Variants in VWA1 observed in about 807,000 individuals in gnomAD.
VWA1 encodes the protein von Willebrand factor A domain containing 1.
A neutral mutation model predicts 14.9 loss-of-function variants in VWA1; 12 were observed. That is an observed-to-expected ratio of 0.80 (90% confidence interval 0.52 to 1.30). The LOEUF (loss-of-function observed/expected upper bound fraction) is 1.30, where lower values mean the gene tolerates loss of function less well. VWA1 is among the 50% of genes most tolerant of loss of function. The pLI is 0.00. For missense variants in VWA1, 800 were observed against 649.1 expected, an observed-to-expected ratio of 1.23 and a Z score of -2.53; for synonymous variants, 368 against 310.7, an observed-to-expected ratio of 1.18 and a Z score of -1.94.
At position 1,439,273 on chromosome 1, in the gene VWA1, C is replaced by G. The variant is rs752848633; in HGVS notation, c.824C>G (p.Pro275Arg). Residue 275 changes from proline (P) to arginine (R), a missense_variant, in exon 3 of 3, where the codon CCG (proline) becomes CGG (arginine). Coordinates refer to ENST00000476993, the MANE Select transcript of VWA1 (RefSeq NM_022834.5). Reference sequence around the variant, plus strand: ...GACTGGATCTGGGCCGGCCTCGACCCGGACACGGACTACGACGTGGCGCTA... The same window carrying G: ...GACTGGATCTGGGCCGGCCTCGACCGGGACACGGACTACGACGTGGCGCTA... ...ATDWIWAGLD[P>R]DTDYDVALVP... 5.6e-6 allele frequency: 9 copies of G among 1,605,308 alleles called. No individual in the cohort carries two copies. Among genetic ancestry groups the G allele is most frequent in the Non-Finnish European group, 7.6e-6 (9 of 1,178,140 alleles).
Position 1,441,825 on chromosome 1 carries a change from C to T in VWA1, c.*2038C>T, listed in dbSNP as rs1344080550. The T allele has an allele frequency of 6.6e-6, 1 of 152,264 alleles. No individual in the cohort carries two copies. The highest frequency in any genetic ancestry group is 1.5e-5 in the Non-Finnish European group (1 of 68,070). 9.4% of individuals were successfully genotyped at this position (152,264 alleles called of 1,614,324 possible). ...CAGTGGCTTCTGTGGACGACTCAGACTCACATGAGAAGCTGGGAGGAGCTC... is the reference window on the plus strand; with the variant it reads ...CAGTGGCTTCTGTGGACGACTCAGATTCACATGAGAAGCTGGGAGGAGCTC... On this transcript the variant is annotated 3_prime_UTR_variant, in exon 3 of 3. Coordinates refer to ENST00000476993, the MANE Select transcript of VWA1 (RefSeq NM_022834.5).
chr1:1,439,217 A>G lies in VWA1; in HGVS notation c.768A>G (p.Ala256=). 6.2e-7 allele frequency: 1 copy of G among 1,607,220 alleles called. No individual in the cohort carries two copies. The highest frequency in any genetic ancestry group is 1.1e-5 in the South Asian group (1 of 90,922). Residue 256 remains alanine (A), a synonymous_variant, in exon 3 of 3, where the codon GCA becomes GCG. Transcript: ENST00000476993. ...TGCCCAGCGCCCAGCCGGGGGCTGCAAGACGCCAGCAGCTGCCAGGGAACG... is the reference window on the plus strand; with the variant it reads ...TGCCCAGCGCCCAGCCGGGGGCTGCGAGACGCCAGCAGCTGCCAGGGAACG... ...ELVPSAQPGA[A]RRQQLPGNAT...
At chr1:1,436,289 C>T (rs949391342) in intron 1 of VWA1, among the ~76,000 whole-genome samples, 1 of 152,088 alleles carries the variant, frequency 6.6e-6, no homozygotes, top group Non-Finnish European at 1.5e-5. Flanking sequence ...CCGGAGGTGC[C>T]CGGAGGAAGG....
chr1:1,436,070 G>C (rs1049152052), intron 1 of VWA1, among the ~76,000 whole-genome samples: 1 of 152,162 alleles, frequency 6.6e-6, no homozygotes, highest in African/African-American at 2.4e-5. Flanking sequence ...CGGGATCGCG[G>C]GCCTGGACAG....
rs756120330 is a variant in VWA1, at chr1:1,439,331, C to T, written c.882C>T (p.Pro294=). 6.3e-7 allele frequency: 1 copy of T among 1,578,786 alleles called. No homozygotes were observed. The highest frequency in any genetic ancestry group is 2.3e-5 in the East Asian group (1 of 43,540). Residue 294 remains proline (P), a synonymous_variant, in exon 3 of 3, where the codon CCC becomes CCT. Coordinates refer to ENST00000476993, the MANE Select transcript of VWA1 (RefSeq NM_022834.5). ...AGTCCAACGTGCGCCTCCTGAGGCC[C>T]CAGATCCTGCGGGTGCGCACGCGGC... The part of the protein sequence containing the change: ...VPESNVRLLR[P]QILRVRTRPG...
intron 1 of VWA1, among the ~76,000 whole-genome samples, chr1:1,436,034 A>G (rs1163936884): frequency 6.6e-6 from 1 of 151,928 alleles, no homozygotes; most frequent in African/African-American, 2.4e-5. Flanking sequence ...GCCGGGGCAT[A>G]GGGGCCGTCC....
In VWA1 at chr1:1,437,183, C is replaced by T; in HGVS notation, c.330C>T (p.Asp110=). Residue 110 remains aspartate, a synonymous_variant, in exon 2 of 3, where the codon GAC becomes GAT. Transcript: ENST00000476993. ...AVRASAQRMG[D]THTGLALVYA... Reference sequence around the variant, plus strand: ...GTGCTTCTGCCCAGCGCATGGGTGACACCCACACTGGCCTGGCGCTGGTCT... The same window carrying T: ...GTGCTTCTGCCCAGCGCATGGGTGATACCCACACTGGCCTGGCGCTGGTCT... 1 of 1,611,778 alleles carries T rather than the reference C, an allele frequency of 6.2e-7. No homozygotes were observed. Among genetic ancestry groups the T allele is most frequent in the Non-Finnish European group, 8.5e-7 (1 of 1,179,564 alleles).
Position 1,437,346 on chromosome 1 carries a change from G to T in VWA1, c.493G>T (p.Val165Leu). Reference protein sequence around the residue: ...MQELKDLGVTVFIVSTGRGNF... With the variant: ...MQELKDLGVTLFIVSTGRGNF... ...GGAGCTCAAGGACCTGGGCGTCACCGTGTTCATTGTCAGCACCGGCCGAGG... is the reference window on the plus strand; with the variant it reads ...GGAGCTCAAGGACCTGGGCGTCACCTTGTTCATTGTCAGCACCGGCCGAGG... The change falls in exon 2 of 3, where the codon GTG (valine) becomes TTG (leucine). Residue 165 changes from valine to leucine, a missense_variant. Coordinates refer to ENST00000476993, the MANE Select transcript of VWA1 (RefSeq NM_022834.5). 6.2e-7 allele frequency: 1 copy of T among 1,612,608 alleles called. No homozygotes were observed. The highest frequency in any genetic ancestry group is 8.5e-7 in the Non-Finnish European group (1 of 1,179,926).
rs373689564 is a variant in VWA1 at position 1,437,394 on chromosome 1, G to A, written c.541G>A (p.Ala181Thr). ...GRGNFLELSA[A>T]ASAPAEKHLH... ...AGGCAACTTCCTGGAGCTGTCAGCC[G>A]CTGCCTCAGCCCCTGCCGAGAAGCA... The change falls in exon 2 of 3, where the codon GCT becomes ACT. Residue 181 changes from alanine to threonine, a missense_variant. By Grantham distance (58) the Ala-to-Thr change is moderately conservative. Coordinates refer to ENST00000476993, the MANE Select transcript of VWA1 (RefSeq NM_022834.5). 12 of 1,612,626 alleles carry A rather than the reference G, an allele frequency of 7.4e-6. No homozygotes were observed. The highest frequency in any genetic ancestry group is 4.5e-5 in the East Asian group (2 of 44,904).
At position 1,439,670 on chromosome 1, in the gene VWA1, C is replaced by T; in HGVS notation, c.1221C>T (p.Phe407=). ...TAYLVTVTAA[F]RSGRESALSA... ...ACCTGGTGACCGTGACCGCCGCCTT[C>T]CGCTCGGGCCGCGAGAGCGCGCTGT... Residue 407 remains phenylalanine, a synonymous_variant, in exon 3 of 3, where the codon TTC becomes TTT. Transcript: ENST00000476993. 7.6e-7 allele frequency: 1 copy of T among 1,308,204 alleles called. No individual in the cohort carries two copies. The highest frequency in any genetic ancestry group is 9.8e-7 in the Non-Finnish European group (1 of 1,019,892). The allele number at this position is 1,308,204 out of a possible 1,614,324, so 81.0% of individuals were successfully genotyped here.
intron 1 of VWA1, 25 bp from the exon 2 acceptor site, chr1:1,436,902 G>T (rs1195369060): frequency 6.5e-7 from 1 of 1,550,130 alleles, no homozygotes; most frequent in Non-Finnish European, 8.7e-7. Context: ...CACACCTGAG[G>T]CTGAGCATTC....
Position 1,439,691 on chromosome 1 carries a change from G to A in VWA1, c.1242G>A (p.Ala414=), listed in dbSNP as rs761882324. 2 of 1,275,104 alleles carry A rather than the reference G, an allele frequency of 1.6e-6. No individual in the cohort carries two copies. Among genetic ancestry groups the A allele is most frequent in the Non-Finnish European group, 1.0e-6 (1 of 1,001,072 alleles). The allele number at this position is 1,275,104 out of a possible 1,614,324, so 79.0% of individuals were successfully genotyped here. Residue 414 remains alanine, a synonymous_variant, in exon 3 of 3, where the codon GCG becomes GCA. Transcript: ENST00000476993. ...CCTTCCGCTCGGGCCGCGAGAGCGC[G>A]CTGTCCGCCAAGGCCTGCACGCCCG... is the stretch of plus-strand genomic sequence containing the variant. ...TAAFRSGRES[A]LSAKACTPDG...
intron 2 of VWA1, among the ~76,000 whole-genome samples, chr1:1,438,487 A>G (rs566105009): frequency 6.6e-6 from 1 of 152,268 alleles, no homozygotes; most frequent in Non-Finnish European, 1.5e-5. Flanking sequence ...GCTTTAACCC[A>G]GCGCAGACAT....
Position 1,439,576 on chromosome 1 carries a change from C to T in VWA1, c.1127C>T (p.Ala376Val), listed in dbSNP as rs1452678710. ...TTCGGGCCGCTGCGGGGCGGGGAGGCGCAGCGGGTGGAGGTGCCCGCGGGC... is the reference window on the plus strand; with the variant it reads ...TTCGGGCCGCTGCGGGGCGGGGAGGTGCAGCGGGTGGAGGTGCCCGCGGGC... The part of the protein sequence containing the change: ...VQFGPLRGGE[A>V]QRVEVPAGRN... Residue 376 changes from alanine to valine, a missense_variant, in exon 3 of 3, where the codon GCG becomes GTG. By Grantham distance (64) the Ala-to-Val change is moderately conservative (BLOSUM62 0). Coordinates refer to ENST00000476993, the MANE Select transcript of VWA1 (RefSeq NM_022834.5). 1.3e-5 allele frequency: 17 copies of T among 1,303,716 alleles called. No individual in the cohort carries two copies. The highest frequency in any genetic ancestry group is 8.6e-5 in the Admixed American group (2 of 23,274). The allele number at this position is 1,303,716 out of a possible 1,614,324, so 80.8% of individuals were successfully genotyped here. A position where few individuals can be genotyped will look rare whatever the true frequency, so the allele number is the denominator to read the frequency against.
In VWA1 at chr1:1,439,323, C is replaced by A. The variant is rs764295440; in HGVS notation, c.874C>A (p.Leu292Met). 2 of 1,585,750 alleles carry A rather than the reference C, an allele frequency of 1.3e-6. No homozygotes were observed. The highest frequency in any genetic ancestry group is 1.7e-6 in the Non-Finnish European group (2 of 1,171,698). ...AGTGCCTGAGTCCAACGTGCGCCTC[C>A]TGAGGCCCCAGATCCTGCGGGTGCG... ...ALVPESNVRL[L>M]RPQILRVRTR... is the part of the protein sequence containing the mutation. The change falls in exon 3 of 3, where the codon CTG becomes ATG. Residue 292 changes from leucine (L) to methionine (M), a missense_variant. By Grantham distance (15) the Leu-to-Met change is conservative. Transcript: ENST00000476993.
At chr1:1,436,788 C>T (rs759366567) in intron 1 of VWA1, 139 bp from the exon 2 acceptor site, 25 of 843,916 alleles carry the variant, frequency 3.0e-5, no homozygotes, top group Non-Finnish European at 4.6e-5. Flanking sequence ...GCTTAGAGTT[C>T]CTCTTTCCCC....
intron 1 of VWA1, 129 bp downstream of exon 1, chr1:1,435,950 C>T: frequency 1.5e-6 from 1 of 689,178 alleles, no homozygotes; most frequent in Non-Finnish European, 1.8e-6. Flanking sequence ...GGGAGCCGGG[C>T]GGGGGCGCGG....
At position 1,439,886 on chromosome 1, in the gene VWA1, G is replaced by T; in HGVS notation, c.*99G>T. 2.9e-6 allele frequency: 3 copies of T among 1,025,478 alleles called. No individual in the cohort carries two copies. The highest frequency in any genetic ancestry group is 1.7e-5 in the African/African-American group (1 of 57,802). 63.5% of individuals were successfully genotyped at this position (1,025,478 alleles called of 1,614,324 possible). A position where few individuals can be genotyped will look rare whatever the true frequency, so the allele number is the denominator to read the frequency against. On this transcript the variant is annotated 3_prime_UTR_variant, in exon 3 of 3. Transcript: ENST00000476993. ...CGCCCAACCCGGCAGACGGGTGCAG[G>T]CCCGGCCTTTCCCCACGCGGACTCC...
rs758946803 is a variant in VWA1, at chr1:1,437,491, G to A, written c.631+7G>A. The A allele has an allele frequency of 5.1e-5, 82 of 1,594,548 alleles. No homozygotes were observed. Among genetic ancestry groups the A allele is most frequent in the East Asian group, 1.3e-4 (6 of 44,550 alleles). ...CTGAGGGGCTCCATTCTCGGTATGC[G>A]GGAGGAGGCAGGGCCCAGGGAGCCC... On this transcript the variant is annotated splice_region_variant and intron_variant, in intron 2 of 2. Coordinates refer to ENST00000476993, the MANE Select transcript of VWA1 (RefSeq NM_022834.5).
Sources: gnomAD v4.1 joint callset for allele counts (sites outside exome capture counted in the v4.1 genomes callset) on GRCh38, gnomAD v4.1.1 for gene constraint, MANE v1.5 for transcripts, NCBI Gene and HGNC (gene_info 2026-07-23, HGNC 2026-07-21) for gene names.